TADA2A: variants seen among roughly 807,000 people sequenced by gnomAD.
The protein encoded by TADA2A is transcriptional adaptor 2A.
TADA2A carries 38 observed loss-of-function variants against 67.4 expected under a neutral mutation model. The ratio of observed to expected loss-of-function variants is 0.56; its 90% CI spans 0.44 to 0.74. TADA2A has a LOEUF of 0.74. TADA2A is among the 30% of genes least tolerant of loss of function. The pLI is 0.00. For missense variants in TADA2A, 454 were observed against 547.0 expected, an observed-to-expected ratio of 0.83 and a Z score of 1.70; for synonymous variants, 192 against 181.6, an observed-to-expected ratio of 1.06 and a Z score of -0.46.
chr17:37,447,629 A>G (rs1034410806), intron 8 of TADA2A, among the ~76,000 whole-genome samples: 3 of 152,182 alleles, frequency 2.0e-5, no homozygotes, highest in East Asian at 1.9e-4. Flanking sequence ...AAAAAAGATG[A>G]TAACAGTTTA....
At chr17:37,454,828 G>T in intron 8 of TADA2A, 1 of 237,830 alleles carries the variant, frequency 4.2e-6, no homozygotes, top group Non-Finnish European at 9.1e-6. Flanking sequence ...AAGCAAAAAA[G>T]GCTAAGCTAG....
rs774862825 is a variant in TADA2A at position 37,467,505 on chromosome 17, C to T, written c.875C>T (p.Ala292Val). The change falls in exon 12 of 16, where the codon GCA (alanine) becomes GTA (valine). Residue 292 changes from alanine (A) to valine (V), a missense_variant. Physicochemically the swap from Ala to Val is moderately conservative, Grantham distance 64 (BLOSUM62 0). Around this residue, in one of 2 missense-constraint regions of TADA2A, gnomAD observed 403 missense variants for 455.5 expected, o/e 0.88. Coordinates refer to ENST00000615182, the MANE Select transcript of TADA2A (RefSeq NM_001166105.3). ...AAGAGGCTCCAAGAATACAGGACAG[C>T]AGGCATTACCAATTTTTGTAGTAAG... ...EIKRLQEYRT[A>V]GITNFCSART... 4 of 1,613,794 alleles carry T rather than the reference C, an allele frequency of 2.5e-6. No individual in the cohort carries two copies. Among genetic ancestry groups the T allele is most frequent in the South Asian group, 2.2e-5 (2 of 91,028 alleles).
At chr17:37,473,866 C>T (rs1208410107) in intron 14 of TADA2A, among the ~76,000 whole-genome samples, 1 of 152,198 alleles carries the variant, frequency 6.6e-6, no homozygotes, top group Non-Finnish European at 1.5e-5. Context: ...GGGCCTTTTG[C>T]TGGCCTAACA....
intron 10 of TADA2A, among the ~76,000 whole-genome samples, chr17:37,465,152 A>T (rs2053636730): frequency 6.6e-6 from 1 of 152,028 alleles, no homozygotes; most frequent in Non-Finnish European, 1.5e-5. Context: ...CATCTCAAAA[A>T]AAAAAAAGAC....
chr17:37,420,903 T>G (rs924947914), intron 2 of TADA2A, among the ~76,000 whole-genome samples: 1 of 146,744 alleles, frequency 6.8e-6, no homozygotes, highest in African/African-American at 2.5e-5. Flanking sequence ...AGAGAACAAT[T>G]TTGCTAGGTT....
intron 8 of TADA2A, among the ~76,000 whole-genome samples, chr17:37,451,510 C>CA (rs1163384571): frequency 1.3e-5 from 2 of 151,866 alleles, no homozygotes. Context: ...TTTGTAGAGA[C>CA]AGGGTTTCAC....
intron 4 of TADA2A, among the ~76,000 whole-genome samples, chr17:37,434,921 A>G (rs1353454201): frequency 6.6e-6 from 1 of 152,166 alleles, no homozygotes; most frequent in Non-Finnish European, 1.5e-5. Context: ...TTGACTTCTG[A>G]ATTTTTTTGA....
chr17:37,476,734 C>A, intron 15 of TADA2A, 63 bp from the exon 16 acceptor site: 1 of 1,552,148 alleles, frequency 6.4e-7, no homozygotes, highest in Non-Finnish European at 8.7e-7. Flanking sequence ...TTTGCTATAC[C>A]TGCTGGATTA....
At chr17:37,451,804 T>G (rs890981423) in intron 8 of TADA2A, among the ~76,000 whole-genome samples, 1 of 150,520 alleles carries the variant, frequency 6.6e-6, no homozygotes, top group East Asian at 2.0e-4. Flanking sequence ...GCCAACACGG[T>G]GAAACCCCGT....
intron 4 of TADA2A, among the ~76,000 whole-genome samples, chr17:37,431,123 T>TTCAGATTA (rs1352300749): frequency 6.6e-6 from 1 of 152,166 alleles, no homozygotes; most frequent in African/African-American, 2.4e-5. Context: ...CTGTGTGGTC[T>TTCAGATTA]TCAGATTATT....
intron 8 of TADA2A, among the ~76,000 whole-genome samples, chr17:37,451,249 C>A (rs969632278): frequency 6.6e-6 from 1 of 151,856 alleles, no homozygotes; most frequent in African/African-American, 2.4e-5. Flanking sequence ...CCAGGCTGGT[C>A]TCAAAACTCC....
At chr17:37,460,246 A>T (rs2053516051) in intron 9 of TADA2A, among the ~76,000 whole-genome samples, 1 of 149,418 alleles carries the variant, frequency 6.7e-6, no homozygotes, top group African/African-American at 2.5e-5. Context: ...TTTATTTTTT[A>T]TTTTATTATT....
intron 12 of TADA2A, among the ~76,000 whole-genome samples, chr17:37,468,014 AGTT>A (rs1431971496): frequency 2.6e-5 from 4 of 151,854 alleles, no homozygotes; most frequent in Admixed American, 2.0e-4. Context: ...CCTGAGAAGC[AGTT>A]GTTGTAGTGA....
intron 12 of TADA2A, among the ~76,000 whole-genome samples, chr17:37,467,882 G>C (rs9913768): frequency 0.25 from 37,817 of 151,878 alleles, 4,766 homozygotes; most frequent in Middle Eastern, 0.36. Flanking sequence ...AGGAGTTCGA[G>C]ACCAGCCTGA....
At chr17:37,415,718 C>G (rs941146619) in intron 2 of TADA2A, among the ~76,000 whole-genome samples, 3 of 150,502 alleles carry the variant, frequency 2.0e-5, no homozygotes, top group Non-Finnish European at 2.9e-5. Flanking sequence ...ACTAAAGATA[C>G]AAAAAATTAG....
chr17:37,423,596 CT>C lies in TADA2A; in HGVS notation c.119del (p.Phe40SerfsTer24). On this transcript the variant is annotated frameshift_variant, in exon 3 of 16. Transcript: ENST00000615182. LOFTEE classifies it high-confidence loss of function. ...AAGTGTGCTGAATGTGGGCCACCTC[CT>C]TTTTTCCTCTGCTTGCAGGTAACTC... ...YIKCAECGPP[P>X]FFLCLQCFTR... The C allele has an allele frequency of 1.2e-6, 2 of 1,612,550 alleles. No individual in the cohort carries two copies. The highest frequency in any genetic ancestry group is 1.1e-5 in the South Asian group (1 of 90,572).
chr17:37,452,798 A>G (rs1387145991), intron 8 of TADA2A, among the ~76,000 whole-genome samples: 1 of 152,218 alleles, frequency 6.6e-6, no homozygotes, highest in African/African-American at 2.4e-5. Flanking sequence ...AAGAGTTTGA[A>G]AACTATTGCC....
At chr17:37,460,385 A>T (rs971192860) in intron 9 of TADA2A, among the ~76,000 whole-genome samples, 53 of 152,210 alleles carry the variant, frequency 3.5e-4, no homozygotes, top group African/African-American at 1.3e-3. Flanking sequence ...AGCTGGGACT[A>T]CAGGCACGTG....
At chr17:37,418,551 G>A (rs1251288803) in intron 2 of TADA2A, among the ~76,000 whole-genome samples, 2 of 151,674 alleles carry the variant, frequency 1.3e-5, no homozygotes, top group African/African-American at 4.8e-5. Context: ...TCCGCAATTT[G>A]TTGTCAAGTG....
Sources: gnomAD v4.1 joint callset for allele counts (sites outside exome capture counted in the v4.1 genomes callset) on GRCh38, gnomAD v4.1.1 for gene constraint, gnomAD v4.1.1 regional missense constraint, MANE v1.5 for transcripts, NCBI Gene and HGNC (gene_info 2026-07-23, HGNC 2026-07-21) for gene names.